The following ATXN1 variants were observed in gnomAD, a reference collection of about 807,000 sequenced individuals.
ATXN1 encodes ataxin-1.
ATXN1 carries 8 observed loss-of-function variants against 56.4 expected under a neutral mutation model. That is an observed-to-expected ratio of 0.14 (90% CI 0.08 to 0.26). The LOEUF is 0.26. Among genes scored for constraint, ATXN1 ranks in the 10% least tolerant of loss-of-function variants. ATXN1 has a pLI of 1.00. For synonymous variants in ATXN1, 514 were observed against 494.6 expected (o/e 1.04, Z -0.52); for missense variants, 987 against 1,106.5 (o/e 0.89, Z 1.53).
intron 2 of ATXN1, among the ~76,000 whole-genome samples, chr6:16,735,684 A>G (rs1316995074): frequency 6.6e-6 from 1 of 152,222 alleles, no homozygotes; most frequent in Non-Finnish European, 1.5e-5. Flanking sequence ...AGAGTTCACA[A>G]AATACATTAA....
chr6:16,430,073 A>C (rs1302940243), intron 6 of ATXN1, among the ~76,000 whole-genome samples: 1 of 152,074 alleles, frequency 6.6e-6, no homozygotes, highest in Non-Finnish European at 1.5e-5. Context: ...CTGAGAATAG[A>C]GTTAAATGTT....
chr6:16,550,679 T>A (rs1761904155), intron 4 of ATXN1, among the ~76,000 whole-genome samples: 1 of 152,182 alleles, frequency 6.6e-6, no homozygotes, highest in East Asian at 1.9e-4. Context: ...GACACACAGC[T>A]AATAAACCAC....
At chr6:16,686,889 T>C (rs1758930078) in intron 2 of ATXN1, among the ~76,000 whole-genome samples, 1 of 152,230 alleles carries the variant, frequency 6.6e-6, no homozygotes, top group African/African-American at 2.4e-5. Flanking sequence ...ACAAAATTAT[T>C]TAACTTTATA....
Position 16,302,490 on chromosome 6 carries a change from C to T in ATXN1, c.*3839G>A, listed in dbSNP as rs1367569685. On this transcript the variant is annotated 3_prime_UTR_variant, in exon 8 of 8. Transcript: ENST00000436367. ...AATGAAAATTCAATTTGGATTTCCACTTTAAAAGATCTGAGGTAAGTGGCA... is the reference window on the plus strand; with the variant it reads ...AATGAAAATTCAATTTGGATTTCCATTTTAAAAGATCTGAGGTAAGTGGCA... The T allele has an allele frequency of 6.6e-6, 1 of 152,630 alleles. No individual in the cohort carries two copies. The highest frequency in any genetic ancestry group is 1.5e-5 in the Non-Finnish European group (1 of 68,038). 9.5% of individuals were successfully genotyped at this position (152,630 alleles called of 1,614,324 possible).
chr6:16,480,835 G>A (rs935387366), intron 6 of ATXN1, among the ~76,000 whole-genome samples: 2 of 152,130 alleles, frequency 1.3e-5, no homozygotes, highest in Non-Finnish European at 2.9e-5. Flanking sequence ...CTGAGAGGAG[G>A]AGCTGAGTAC....
At chr6:16,521,140 C>T (rs1311857749) in intron 5 of ATXN1, among the ~76,000 whole-genome samples, 1 of 152,132 alleles carries the variant, frequency 6.6e-6, no homozygotes, top group Non-Finnish European at 1.5e-5. Context: ...AACAAACAAA[C>T]AAACAAACAA....
chr6:16,684,533 T>C (rs928756913), intron 2 of ATXN1, among the ~76,000 whole-genome samples: 1 of 152,130 alleles, frequency 6.6e-6, no homozygotes, highest in African/African-American at 2.4e-5. Context: ...AAGCCACATT[T>C]GAAAACCACT....
intron 4 of ATXN1, among the ~76,000 whole-genome samples, chr6:16,534,106 T>G (rs888779390): frequency 5.3e-5 from 8 of 152,224 alleles, no homozygotes; most frequent in African/African-American, 1.9e-4. Context: ...TACCTTCAGG[T>G]GACAACAGGT....
intron 2 of ATXN1, among the ~76,000 whole-genome samples, chr6:16,673,033 A>AAAG (rs1400975100): frequency 1.3e-5 from 2 of 151,332 alleles, no homozygotes; most frequent in Non-Finnish European, 2.9e-5. Flanking sequence ...AAAAAAAAAA[A>AAAG]AAAGAAAAGA....
intron 2 of ATXN1, among the ~76,000 whole-genome samples, chr6:16,730,414 C>A (rs889806461): frequency 6.7e-6 from 1 of 148,318 alleles, no homozygotes; most frequent in Non-Finnish European, 1.5e-5. Context: ...ACTAAAAATC[C>A]CTTTATAGGT....
At chr6:16,404,804 G>T (rs1465499939) in intron 6 of ATXN1, among the ~76,000 whole-genome samples, 1 of 152,128 alleles carries the variant, frequency 6.6e-6, no homozygotes, top group Non-Finnish European at 1.5e-5. Flanking sequence ...CTGGGAGTCC[G>T]ACTGAGAGCA....
At chr6:16,639,149 G>C (rs1763656626) in intron 3 of ATXN1, among the ~76,000 whole-genome samples, 1 of 152,182 alleles carries the variant, frequency 6.6e-6, no homozygotes, top group Non-Finnish European at 1.5e-5. Context: ...CATGGGCAGG[G>C]ACAAATAAGG....
intron 6 of ATXN1, among the ~76,000 whole-genome samples, chr6:16,348,147 G>A (rs545695230): frequency 2.0e-5 from 3 of 152,312 alleles, no homozygotes; most frequent in Admixed American, 6.5e-5. Context: ...ATAGTTTACT[G>A]TAGCCTCGAC....
At chr6:16,655,526 G>A (rs920588529) in intron 3 of ATXN1, among the ~76,000 whole-genome samples, 6 of 152,004 alleles carry the variant, frequency 3.9e-5, no homozygotes, top group Non-Finnish European at 8.8e-5. Flanking sequence ...GGCCCTAAAT[G>A]TGACAGAAGT....
Position 16,317,212 on chromosome 6 carries a change from C to T in ATXN1, c.1917+9182G>A, listed in dbSNP as rs190274143. Among the ~76,000 whole-genome samples, 96 of 152,238 alleles carry T rather than the reference C, an allele frequency of 6.3e-4. 1 individual carries two copies. The highest frequency in any genetic ancestry group is 2.0e-3 in the African/African-American group (84 of 41,534). On this transcript the variant is annotated intron_variant, in intron 7 of 7. Coordinates refer to ENST00000436367, the MANE Select transcript of ATXN1 (RefSeq NM_001128164.2). ...AGCAGTACCACAGATAACCAAAGCA[C>T]GTTACATAACGCCAGACAGCTCAAT... is the stretch of plus-strand genomic sequence containing the variant.
At chr6:16,336,925 T>C (rs1761136444) in intron 6 of ATXN1, among the ~76,000 whole-genome samples, 1 of 152,198 alleles carries the variant, frequency 6.6e-6, no homozygotes, top group Non-Finnish European at 1.5e-5. Flanking sequence ...CGACTATACT[T>C]GAAGCAATGA....
At chr6:16,567,328 C>T (rs236947) in intron 4 of ATXN1, among the ~76,000 whole-genome samples, 90,546 of 152,016 alleles carry the variant, frequency 0.6, 27,136 homozygotes, top group East Asian at 0.73. Flanking sequence ...CTTGCATGGG[C>T]TGCAGTACTG....
intron 6 of ATXN1, among the ~76,000 whole-genome samples, chr6:16,387,158 G>C (rs1374523081): frequency 3.3e-5 from 5 of 152,206 alleles, no homozygotes; most frequent in Non-Finnish European, 7.3e-5. Context: ...GATTGACTAG[G>C]AAGAGCGGGA....
intron 3 of ATXN1, among the ~76,000 whole-genome samples, chr6:16,601,574 T>C (rs945410821): frequency 6.6e-6 from 1 of 152,070 alleles, no homozygotes; most frequent in African/African-American, 2.4e-5. Context: ...ATTTCAGCTG[T>C]GCGCAGTGGC....
Sources: gnomAD v4.1 joint callset for allele counts (sites outside exome capture counted in the v4.1 genomes callset) on GRCh38, gnomAD v4.1.1 for gene constraint, MANE v1.5 for transcripts, NCBI Gene and HGNC (gene_info 2026-07-23, HGNC 2026-07-21) for gene names.